Variants in SGCD observed in about 807,000 individuals in gnomAD.
The protein encoded by SGCD is delta-sarcoglycan.
SGCD carries 18 observed loss-of-function variants against 36.6 expected under a neutral mutation model. That is an observed-to-expected ratio of 0.49 (90% CI 0.34 to 0.73). The LOEUF (loss-of-function observed/expected upper bound fraction) is 0.73. Among genes scored for constraint, SGCD ranks in the 30% least tolerant of loss-of-function variants. The probability of loss-of-function intolerance (pLI) is 0.01; values close to 1 mark genes in which losing one functional copy is unlikely to be tolerated. For synonymous variants in SGCD, 133 were observed against 130.6 expected (o/e 1.02, Z -0.12); for missense variants, 387 against 346.7 (o/e 1.12, Z -0.92).
At chr5:156,365,315 T>C (rs77327847) in intron 3 of SGCD, among the ~76,000 whole-genome samples, 5,240 of 152,242 alleles carry the variant, frequency 0.034, 284 homozygotes, top group African/African-American at 0.12. Context: ...TTCCAATCAG[T>C]CTTTTCCCAG....
chr5:156,580,668 C>T (rs1213072633), intron 4 of SGCD, among the ~76,000 whole-genome samples: 1 of 152,166 alleles, frequency 6.6e-6, no homozygotes, highest in African/African-American at 2.4e-5. Context: ...TCACTGATAA[C>T]CTTTTCTTCT....
intron 1 of SGCD, among the ~76,000 whole-genome samples, chr5:155,921,232 T>C (rs1427814946): frequency 1.3e-5 from 2 of 152,106 alleles, no homozygotes; most frequent in Non-Finnish European, 2.9e-5. Context: ...TTCTTGGTAA[T>C]AACCAAGAGA....
chr5:156,327,898 A>C (rs1767884128), intron 1 of SGCD, among the ~76,000 whole-genome samples: 1 of 152,178 alleles, frequency 6.6e-6, no homozygotes, highest in Non-Finnish European at 1.5e-5. Flanking sequence ...TTCTCACTTG[A>C]AGTAATTTGC....
intron 6 of SGCD, among the ~76,000 whole-genome samples, chr5:156,608,314 T>G (rs1761587585): frequency 6.6e-6 from 1 of 152,236 alleles, no homozygotes; most frequent in African/African-American, 2.4e-5. Context: ...CAGTAGTCAT[T>G]CAGGAGCAGG....
chr5:156,424,809 A>G (rs1773594929), intron 3 of SGCD, among the ~76,000 whole-genome samples: 1 of 152,062 alleles, frequency 6.6e-6, no homozygotes, highest in Non-Finnish European at 1.5e-5. Context: ...AGAAGAAATC[A>G]GATGAAATTA....
At chr5:156,441,805 A>G (rs1753503808) in intron 3 of SGCD, among the ~76,000 whole-genome samples, 1 of 152,148 alleles carries the variant, frequency 6.6e-6, no homozygotes, top group African/African-American at 2.4e-5. Flanking sequence ...TATTATTAGG[A>G]CATCATGAAA....
At chr5:156,603,627 C>G (rs1179248755) in intron 6 of SGCD, among the ~76,000 whole-genome samples, 2 of 151,978 alleles carry the variant, frequency 1.3e-5, no homozygotes, top group African/African-American at 2.4e-5. Flanking sequence ...ATTCTTATTT[C>G]TCTCAAAAAT....
intron 3 of SGCD, among the ~76,000 whole-genome samples, chr5:156,381,573 C>T (rs973302446): frequency 8.9e-6 from 1 of 112,012 alleles, no homozygotes; most frequent in Non-Finnish European, 1.7e-5. Context: ...CTCATGTAAA[C>T]ATACATGTGC....
chr5:156,134,858 A>G (rs974690884), intron 3 of SGCD, among the ~76,000 whole-genome samples: 2 of 151,968 alleles, frequency 1.3e-5, no homozygotes, highest in Admixed American at 1.3e-4. Flanking sequence ...AAATAATAAT[A>G]ATAAAGTTCC....
At chr5:156,668,425 G>A (rs964833766) in intron 7 of SGCD, among the ~76,000 whole-genome samples, 6 of 152,064 alleles carry the variant, frequency 3.9e-5, no homozygotes, top group African/African-American at 1.4e-4. Flanking sequence ...TCTCCAGGAT[G>A]CCTTTTCGTT....
intron 6 of SGCD, among the ~76,000 whole-genome samples, chr5:156,608,146 T>C (rs1761578417): frequency 1.3e-5 from 2 of 152,224 alleles, no homozygotes; most frequent in Admixed American, 6.5e-5. Flanking sequence ...AGTGTGTCAA[T>C]TTTAGATCTT....
intron 7 of SGCD, among the ~76,000 whole-genome samples, chr5:156,668,490 G>C (rs1314012582): frequency 6.6e-6 from 1 of 152,138 alleles, no homozygotes; most frequent in East Asian, 1.9e-4. Flanking sequence ...TAACAGTGAT[G>C]CTTCAATATT....
intron 4 of SGCD, among the ~76,000 whole-genome samples, chr5:156,576,693 T>C (rs1325218456): frequency 6.6e-6 from 1 of 152,254 alleles, no homozygotes. Flanking sequence ...AAGCATTTTT[T>C]CATGTGTCTG....
intron 3 of SGCD, among the ~76,000 whole-genome samples, chr5:156,279,709 A>T (rs1766402090): frequency 6.6e-6 from 1 of 152,066 alleles, no homozygotes; most frequent in Admixed American, 6.6e-5. Context: ...CAAGAACTGT[A>T]CCATGCTGTT....
At chr5:155,816,814 T>C in the SGCD span, among the ~76,000 whole-genome samples, 1 of 152,192 alleles carries the variant, frequency 6.6e-6, no homozygotes, top group Non-Finnish European at 1.5e-5. Flanking sequence ...TTAGAAACTA[T>C]GTCAGTTGGT....
At chr5:156,719,461 G>A (rs1463891108) in intron 7 of SGCD, among the ~76,000 whole-genome samples, 1 of 152,044 alleles carries the variant, frequency 6.6e-6, no homozygotes, top group Admixed American at 6.6e-5. Flanking sequence ...TGGACACCGT[G>A]TCCTAGCCAA....
At chr5:156,594,347 C>A (rs1760839782) in intron 5 of SGCD, among the ~76,000 whole-genome samples, 1 of 151,998 alleles carries the variant, frequency 6.6e-6, no homozygotes, top group Non-Finnish European at 1.5e-5. Flanking sequence ...TTTCACTGAA[C>A]AAAATCCTAA....
Position 156,050,323 on chromosome 5 carries a change from T to C in SGCD, c.-281-67555T>C, listed in dbSNP as rs774046305. ...AGACTCTCCACCAGCAGAAAGATTATGACTTGCTGAAGACTCAGACGCTAG... is the reference window on the plus strand; with the variant it reads ...AGACTCTCCACCAGCAGAAAGATTACGACTTGCTGAAGACTCAGACGCTAG... On this transcript the variant is annotated intron_variant, in intron 1 of 9. Transcript: ENST00000517913. Among the ~76,000 whole-genome samples, 14 of 146,872 alleles carry C rather than the reference T, an allele frequency of 9.5e-5. 1 individual carries two copies. The highest frequency in any genetic ancestry group is 4.7e-4 in the Admixed American group (7 of 14,756).
chr5:156,512,302 A>G (rs889339463), intron 4 of SGCD, among the ~76,000 whole-genome samples: 3 of 152,152 alleles, frequency 2.0e-5, no homozygotes, highest in Non-Finnish European at 2.9e-5. Flanking sequence ...TACTGATGCA[A>G]TGATGGTCTC....
Sources: allele counts gnomAD v4.1 joint callset (sites outside exome capture counted in the v4.1 genomes callset), GRCh38; gene constraint gnomAD v4.1.1; transcripts MANE v1.5; gene names NCBI Gene and HGNC (gene_info 2026-07-23, HGNC 2026-07-21).